Variants in RYR2 observed in about 807,000 individuals in gnomAD.
The protein encoded by RYR2 is ryanodine receptor 2.
RYR2 carries 227 observed loss-of-function variants against 601.1 expected under a neutral mutation model. The observed-to-expected ratio is 0.38, with a 90% CI of 0.34 to 0.42. The LOEUF (loss-of-function observed/expected upper bound fraction) is 0.42. RYR2 is among the 10% of genes least tolerant of loss of function. The pLI is 1.00. For missense variants in RYR2, 4,646 were observed against 6,156.5 expected (o/e 0.75, Z 8.21); for synonymous variants, 2,223 against 2,175.1 (o/e 1.02, Z -0.61).
intron 58 of RYR2, among the ~76,000 whole-genome samples, chr1:237,670,920 A>G (rs768279873): frequency 4.5e-4 from 68 of 152,220 alleles, no homozygotes; most frequent in Non-Finnish European, 2.4e-4. Context: ...AGACCTATTC[A>G]ACCTATATGC....
chr1:237,511,558 A>G (rs1489776147), intron 23 of RYR2, 130 bp from the exon 24 acceptor site: 3 of 658,782 alleles, frequency 4.6e-6, no homozygotes, highest in African/African-American at 3.5e-5. Flanking sequence ...TTGTGGGGGC[A>G]GCTTTGCAGG....
intron 96 of RYR2, among the ~76,000 whole-genome samples, chr1:237,795,988 A>G (rs1047646705): frequency 1.0e-4 from 15 of 149,904 alleles, no homozygotes; most frequent in African/African-American, 2.9e-4. Flanking sequence ...ATGTATATAC[A>G]TATATAAATG....
chr1:237,568,049 C>T (rs1672283180), intron 28 of RYR2, among the ~76,000 whole-genome samples: 2 of 151,912 alleles, frequency 1.3e-5, no homozygotes, highest in Non-Finnish European at 2.9e-5. Context: ...AGGTTTATAC[C>T]TCCTGAAGAT....
At chr1:237,105,828 CTG>C (rs1668601667) in intron 1 of RYR2, among the ~76,000 whole-genome samples, 1 of 112,232 alleles carries the variant, frequency 8.9e-6, no homozygotes, top group Non-Finnish European at 1.7e-5. Context: ...AAGCGAGACT[CTG>C]TCTCAAAAAA....
intron 1 of RYR2, among the ~76,000 whole-genome samples, chr1:237,196,309 A>G (rs1680555809): frequency 6.6e-6 from 1 of 152,112 alleles, no homozygotes; most frequent in Non-Finnish European, 1.5e-5. Context: ...TAATAATAAA[A>G]TTGCCTTCTA....
intron 25 of RYR2, among the ~76,000 whole-genome samples, chr1:237,534,360 T>C (rs182200369): frequency 2.7e-4 from 41 of 152,016 alleles, no homozygotes; most frequent in Admixed American, 2.6e-3. Flanking sequence ...AATAGACAAA[T>C]ATGCAATCAC....
At position 237,668,382 on chromosome 1, in the gene RYR2, C is replaced by T. The variant is rs184672366; in HGVS notation, c.8590+424C>T. On this transcript the variant is annotated intron_variant, in intron 58 of 104. Transcript: ENST00000366574. ...CTTGCACTTTTCCCGTTTTTTTATT[C>T]AAATACTAAATGAACTAATGTTCTC... 1.3e-3 allele frequency among the ~76,000 whole-genome samples: 191 copies of T among 152,200 alleles called. 1 individual carries two copies. Among genetic ancestry groups the T allele is most frequent in the South Asian group, 3.3e-3 (16 of 4,822 alleles).
chr1:237,080,843 C>T (rs1228142737), intron 1 of RYR2, among the ~76,000 whole-genome samples: 1 of 94,282 alleles, frequency 1.1e-5, no homozygotes, highest in African/African-American at 4.0e-5. Context: ...ATGTTTATTG[C>T]GGCACTATTC....
In RYR2 at chr1:237,793,866, G is replaced by T; in HGVS notation, c.13783-1G>T. 1 of 1,603,190 alleles carries T rather than the reference G, an allele frequency of 6.2e-7. No homozygotes were observed. Among genetic ancestry groups the T allele is most frequent in the Non-Finnish European group, 8.5e-7 (1 of 1,170,786 alleles). ...TTAACGTATTTATTTTTCCTATGTA[G>T]GTCCCATTGGTTATTTTTAAGCGAG... On this transcript the variant is annotated splice_acceptor_variant, in intron 94 of 104. Coordinates refer to ENST00000366574, the MANE Select transcript of RYR2 (RefSeq NM_001035.3). LOFTEE classifies it high-confidence loss of function.
At chr1:237,506,469 C>T (rs1029890299) in intron 22 of RYR2, among the ~76,000 whole-genome samples, 2 of 150,722 alleles carry the variant, frequency 1.3e-5, no homozygotes, top group African/African-American at 2.5e-5. Flanking sequence ...ACCCGAGAGG[C>T]GGAGCTTGCA....
intron 79 of RYR2, among the ~76,000 whole-genome samples, chr1:237,734,975 T>C (rs1384701448): frequency 6.6e-6 from 1 of 152,090 alleles, no homozygotes; most frequent in Non-Finnish European, 1.5e-5. Context: ...GCCTAGGACC[T>C]AGCCTGTAAG....
chr1:237,069,930 T>A (rs1296055299), intron 1 of RYR2, among the ~76,000 whole-genome samples: 3 of 152,212 alleles, frequency 2.0e-5, no homozygotes, highest in Non-Finnish European at 4.4e-5. Context: ...CTAAATATTT[T>A]CCTTTATTCT....
At chr1:237,382,758 A>T (rs1701638425) in intron 8 of RYR2, among the ~76,000 whole-genome samples, 1 of 152,206 alleles carries the variant, frequency 6.6e-6, no homozygotes, top group Admixed American at 6.5e-5. Flanking sequence ...ATGATAAAAG[A>T]GTGATCATAA....
intron 96 of RYR2, among the ~76,000 whole-genome samples, chr1:237,797,786 T>A (rs1659433039): frequency 6.6e-6 from 1 of 152,222 alleles, no homozygotes; most frequent in African/African-American, 2.4e-5. Flanking sequence ...GCTCATCATC[T>A]TCTTTGGTAT....
At chr1:237,694,969 T>C (rs1387204298) in intron 63 of RYR2, among the ~76,000 whole-genome samples, 1 of 152,116 alleles carries the variant, frequency 6.6e-6, no homozygotes. Flanking sequence ...AATACAATAT[T>C]AGAAAAGTAG....
chr1:237,462,815 T>C (rs1031226878), intron 16 of RYR2, among the ~76,000 whole-genome samples: 1 of 152,196 alleles, frequency 6.6e-6, no homozygotes, highest in South Asian at 2.1e-4. Flanking sequence ...TCGGTGTTAT[T>C]CTAGTGTTTG....
At chr1:237,223,439 C>T (rs1684039013) in intron 1 of RYR2, among the ~76,000 whole-genome samples, 1 of 152,170 alleles carries the variant, frequency 6.6e-6, no homozygotes, top group Non-Finnish European at 1.5e-5. Flanking sequence ...GGAGAGGATA[C>T]ATTTAAACCA....
intron 28 of RYR2, among the ~76,000 whole-genome samples, chr1:237,567,601 A>AAAAAT: frequency 6.6e-6 from 1 of 152,038 alleles, no homozygotes; most frequent in Non-Finnish European, 1.5e-5. Context: ...AAACAAACAA[A>AAAAAT]AAAATAATAA....
intron 15 of RYR2, 96 bp downstream of exon 15, chr1:237,454,670 C>T (rs981682891): frequency 9.8e-5 from 124 of 1,266,156 alleles, no homozygotes; most frequent in African/African-American, 1.3e-4. Flanking sequence ...ACCATCTTTG[C>T]GTTTTGCAAT....
Sources: allele counts gnomAD v4.1 joint callset (sites outside exome capture counted in the v4.1 genomes callset), GRCh38; gene constraint gnomAD v4.1.1; transcripts MANE v1.5; gene names NCBI Gene and HGNC (gene_info 2026-07-23, HGNC 2026-07-21).